FSIP2: variants seen among roughly 807,000 people sequenced by gnomAD.
The protein encoded by FSIP2 is fibrous sheath-interacting protein 2.
In FSIP2, 367 loss-of-function variants were observed where a neutral mutation model predicts 510.5. That is an observed-to-expected ratio of 0.72 (90% CI 0.66 to 0.78). The LOEUF (loss-of-function observed/expected upper bound fraction) is 0.78, where lower values mean the gene tolerates loss of function less well. Ranked by LOEUF, FSIP2 falls within the 30% of genes least tolerant of loss-of-function variation. The pLI, the probability that FSIP2 is intolerant of heterozygous loss-of-function variation, is 0.00. For missense variants in FSIP2, 7,594 were observed against 7,901.7 expected, an observed-to-expected ratio of 0.96 and a Z score of 1.48; for synonymous variants, 2,601 against 2,732.2, an observed-to-expected ratio of 0.95 and a Z score of 1.50.
In FSIP2 at chr2:185,789,913, T is replaced by C. The variant is rs1240322061; in HGVS notation, c.2777T>C (p.Ile926Thr). The C allele has an allele frequency of 7.2e-6, 11 of 1,533,520 alleles. No homozygotes were observed. Among genetic ancestry groups the C allele is most frequent in the African/African-American group, 2.7e-5 (2 of 73,030 alleles). The allele number at this position is 1,533,520 out of a possible 1,614,324, so 95.0% of individuals were successfully genotyped here. Residue 926 changes from isoleucine (I) to threonine (T), a missense_variant, in exon 16 of 23, where the codon ATT becomes ACT. Physicochemically the swap from Ile to Thr is moderately conservative, Grantham distance 89. Coordinates refer to ENST00000424728, the MANE Select transcript of FSIP2 (RefSeq NM_173651.4). ...ACTGAACTAAATAATGAGAGAATTA[T>C]TGCATCTGAAGAAACCGTAGTACTC... ...IQTELNNERI[I>T]ASEETVVLLQ...
Position 185,739,381 on chromosome 2 carries a change from G to A in FSIP2, c.135G>A (p.Pro45=), listed in dbSNP as rs1452000513. The change falls in exon 2 of 23, where the codon CCG becomes CCA. Residue 45 remains proline, a synonymous_variant. Coordinates refer to ENST00000424728, the MANE Select transcript of FSIP2 (RefSeq NM_173651.4). ...AAACCCACTTTGCAGGGGTTGGACCGGCTCAGCTACTGGACCTACCTCTCG... is the reference window on the plus strand; with the variant it reads ...AAACCCACTTTGCAGGGGTTGGACCAGCTCAGCTACTGGACCTACCTCTCG... The part of the protein sequence containing the change: ...VHKTHFAGVG[P]AQLLDLPLGV... 1 of 1,534,928 alleles carries A rather than the reference G, an allele frequency of 6.5e-7. No homozygotes were observed. The highest frequency in any genetic ancestry group is 2.5e-5 in the East Asian group (1 of 40,786).
In FSIP2 at chr2:185,825,486, A is replaced by G. The variant is rs557695643; in HGVS notation, c.20473+1006A>G. Among the ~76,000 whole-genome samples the G allele has an allele frequency of 1.6e-4, 24 of 151,848 alleles. No homozygotes were observed. The South Asian group carries it at 2.7e-3, about 17-fold the overall frequency. On this transcript the variant is annotated intron_variant, in intron 20 of 22. Transcript: ENST00000424728. ...TTACCTATTGGGTATAATATTCACT[A>G]TTTGGGTGATAGGTACACTAGAAGT...
intron 2 of FSIP2, among the ~76,000 whole-genome samples, chr2:185,741,063 T>G (rs1691913420): frequency 6.6e-6 from 1 of 152,148 alleles, no homozygotes. Flanking sequence ...CCACACAAAC[T>G]AACTTTGCAA....
chr2:185,779,144 A>C (rs539010084), intron 13 of FSIP2, among the ~76,000 whole-genome samples: 6 of 152,008 alleles, frequency 3.9e-5, no homozygotes, highest in Non-Finnish European at 7.4e-5. Flanking sequence ...GCATTTCTGA[A>C]TTTTAACTGA....
rs2105511784 is a variant in FSIP2, at chr2:185,833,197, T to C, written c.20695T>C (p.Ser6899Pro). Residue 6899 changes from serine to proline, a missense_variant, in exon 23 of 23, where the codon TCC (serine) becomes CCC (proline). Transcript: ENST00000424728. ...ATGTAACACCAATATTTCCAGATCT[T>C]CCTCACCAGCTCACCAGGATGAACA... The part of the protein sequence containing the change: ...SQCNTNISRS[S>P]SPAHQDEH 1 of 1,611,114 alleles carries C rather than the reference T, an allele frequency of 6.2e-7. No individual in the cohort carries two copies. The highest frequency in any genetic ancestry group is 2.2e-5 in the East Asian group (1 of 44,768).
chr2:185,792,526 T>G lies in FSIP2; in HGVS notation c.5390T>G (p.Leu1797Ter), dbSNP rs1693162286. ...EIFQSTLINQ[L>*]NVLSLSHSNF... Reference sequence around the variant, plus strand: ...TTTCAAAGTACTTTAATCAATCAATTAAATGTCCTTTCTCTCTCCCACTCT... The same window carrying G: ...TTTCAAAGTACTTTAATCAATCAATGAAATGTCCTTTCTCTCTCCCACTCT... Residue 1797 changes from leucine to a stop codon, truncating the protein, a stop_gained, in exon 16 of 23, where the codon TTA (leucine) becomes TGA (stop). Transcript: ENST00000424728. LOFTEE classifies it high-confidence loss of function. The G allele has an allele frequency of 1.3e-6, 2 of 1,530,706 alleles. No individual in the cohort carries two copies. Among genetic ancestry groups the G allele is most frequent in the South Asian group, 2.4e-5 (2 of 83,834 alleles). 94.8% of individuals were successfully genotyped at this position (1,530,706 alleles called of 1,614,324 possible).
chr2:185,738,257 G>C, upstream of FSIP2: 1 of 273,912 alleles, frequency 3.7e-6, no homozygotes, highest in Non-Finnish European at 7.1e-6. Flanking sequence ...ATTTCGGCTG[G>C]ATGGTTGAGG....
At chr2:185,787,683 A>G (rs989271203) in intron 15 of FSIP2, among the ~76,000 whole-genome samples, 1 of 151,798 alleles carries the variant, frequency 6.6e-6, no homozygotes, top group Non-Finnish European at 1.5e-5. Context: ...CTACAGATGC[A>G]TTTATTTCTA....
intron 13 of FSIP2, among the ~76,000 whole-genome samples, chr2:185,773,304 A>T (rs1458342081): frequency 2.0e-5 from 3 of 152,140 alleles, no homozygotes; most frequent in Non-Finnish European, 4.4e-5. Context: ...TTTCTTTCAA[A>T]ACTTTGAATA....
intron 21 of FSIP2, among the ~76,000 whole-genome samples, chr2:185,831,114 T>A (rs757176373): frequency 2.0e-5 from 3 of 151,952 alleles, no homozygotes; most frequent in Non-Finnish European, 1.5e-5. Flanking sequence ...ACATTCCTCT[T>A]GTGTTACATG....
chr2:185,800,936 C>A lies in FSIP2; in HGVS notation c.11630C>A (p.Thr3877Lys), dbSNP rs551840735. Reference sequence around the variant, plus strand: ...GCAAATAAGCATTTGAACTACAGAACAAGAGAAATACAGTCTAGTTTCATA... The same window carrying A: ...GCAAATAAGCATTTGAACTACAGAAAAAGAGAAATACAGTCTAGTTTCATA... ...PFANKHLNYRTREIQSSFIKA... is the reference protein window; with the variant it reads ...PFANKHLNYRKREIQSSFIKA... Residue 3877 changes from threonine (T) to lysine (K), a missense_variant, in exon 17 of 23, where the codon ACA becomes AAA. Transcript: ENST00000424728. 8.5e-5 allele frequency: 130 copies of A among 1,530,926 alleles called. No homozygotes were observed. In the South Asian group the frequency reaches 1.5e-3, roughly 17 times the overall value. 94.8% of individuals were successfully genotyped at this position (1,530,926 alleles called of 1,614,324 possible).
At chr2:185,763,924 G>GACAAA in intron 12 of FSIP2, among the ~76,000 whole-genome samples, 1 of 151,476 alleles carries the variant, frequency 6.6e-6, no homozygotes, top group Non-Finnish European at 1.5e-5. Flanking sequence ...ATTTTCTGTA[G>GACAAA]TGCAGTTTTA....
At chr2:185,760,631 C>T (rs1559014208) in intron 9 of FSIP2, among the ~76,000 whole-genome samples, 1 of 150,248 alleles carries the variant, frequency 6.7e-6, no homozygotes, top group Non-Finnish European at 1.5e-5. Flanking sequence ...TAGAATTCTT[C>T]TCAGAAATGA....
At position 185,739,391 on chromosome 2, in the gene FSIP2, C is replaced by G. The variant is rs1203528014; in HGVS notation, c.145C>G (p.Leu49Val). ...TGCAGGGGTTGGACCGGCTCAGCTA[C>G]TGGACCTACCTCTCGGGGTCAAGCT... ...HFAGVGPAQLLDLPLGVKLPV... is the reference protein window; with the variant it reads ...HFAGVGPAQLVDLPLGVKLPV... The change falls in exon 2 of 23, where the codon CTG becomes GTG. Residue 49 changes from leucine to valine, a missense_variant. Leu to Val is a conservative substitution (Grantham distance 32, BLOSUM62 1). Transcript: ENST00000424728. The G allele has an allele frequency of 3.9e-6, 6 of 1,535,366 alleles. No homozygotes were observed. The highest frequency in any genetic ancestry group is 1.4e-5 in the African/African-American group (1 of 72,932).
chr2:185,741,281 A>C (rs190792010), intron 2 of FSIP2, among the ~76,000 whole-genome samples: 26 of 105,174 alleles, frequency 2.5e-4, no homozygotes, highest in African/African-American at 9.0e-4. Flanking sequence ...TATTCATTTA[A>C]TGAAATTAGT....
chr2:185,802,313 A>G lies in FSIP2; in HGVS notation c.13007A>G (p.Gln4336Arg). Residue 4336 changes from glutamine (Q) to arginine (R), a missense_variant, in exon 17 of 23, where the codon CAA (glutamine) becomes CGA (arginine). Physicochemically the swap from Gln to Arg is conservative, Grantham distance 43. Coordinates refer to ENST00000424728, the MANE Select transcript of FSIP2 (RefSeq NM_173651.4). The stretch of plus-strand genomic sequence containing the variant: ...GAAATTGAGTTGAAAAACATGACCC[A>G]AAGAATAGTAAACTCCATAAATAGG... ...NTEIELKNMT[Q>R]RIVNSINRHF... 1 of 1,533,894 alleles carries G rather than the reference A, an allele frequency of 6.5e-7. No homozygotes were observed. The highest frequency in any genetic ancestry group is 8.7e-7 in the Non-Finnish European group (1 of 1,145,390).
chr2:185,792,595 A>C lies in FSIP2; in HGVS notation c.5459A>C (p.Gln1820Pro), dbSNP rs1693163938. ...MPHNVDEPTP[Q>P]TSVQFMDKMM... ...CACAATGTTGATGAGCCAACTCCCC[A>C]AACATCTGTTCAATTTATGGATAAA... Residue 1820 changes from glutamine to proline, a missense_variant, in exon 16 of 23, where the codon CAA (glutamine) becomes CCA (proline). Physicochemically the swap from Gln to Pro is moderately conservative, Grantham distance 76. Coordinates refer to ENST00000424728, the MANE Select transcript of FSIP2 (RefSeq NM_173651.4). 6.5e-7 allele frequency: 1 copy of C among 1,534,130 alleles called. No homozygotes were observed. Among genetic ancestry groups the C allele is most frequent in the East Asian group, 2.4e-5 (1 of 40,834 alleles).
intron 2 of FSIP2, among the ~76,000 whole-genome samples, chr2:185,740,843 A>C (rs763696439): frequency 6.6e-6 from 1 of 152,116 alleles, no homozygotes; most frequent in Non-Finnish European, 1.5e-5. Flanking sequence ...CCAAGGCCCC[A>C]GCTCCTAATG....
At position 185,814,603 on chromosome 2, in the gene FSIP2, A is replaced by C. The variant is rs1693797522; in HGVS notation, c.20325+561A>C. Reference sequence around the variant, plus strand: ...ATAAACTCTGCTGTCAGCATGGTAAACATCTCTTGTTGATGGCTCCAAATT... The same window carrying C: ...ATAAACTCTGCTGTCAGCATGGTAACCATCTCTTGTTGATGGCTCCAAATT... On this transcript the variant is annotated intron_variant, in intron 18 of 22. Transcript: ENST00000424728. Among the ~76,000 whole-genome samples, 3 of 152,206 alleles carry C rather than the reference A, an allele frequency of 2.0e-5. No individual in the cohort carries two copies. In the South Asian group the frequency reaches 6.2e-4, roughly 31 times the overall value.
Sources: gnomAD v4.1 joint callset for allele counts (sites outside exome capture counted in the v4.1 genomes callset) on GRCh38, gnomAD v4.1.1 for gene constraint, MANE v1.5 for transcripts, NCBI Gene and HGNC (gene_info 2026-07-23, HGNC 2026-07-21) for gene names.